Variants in REC114 observed in about 807,000 individuals in gnomAD.
REC114 encodes the protein REC114 meiotic recombination protein.
In REC114, 27 loss-of-function variants were observed where a neutral mutation model predicts 31.3. The observed-to-expected ratio is 0.86, with a 90% confidence interval of 0.64 to 1.19. The LOEUF is 1.19. Among genes scored for constraint, REC114 ranks in the 50% most tolerant of loss-of-function variants. REC114 has a pLI of 0.00. For missense variants in REC114, 344 were observed against 326.9 expected (o/e 1.05, Z -0.40); for synonymous variants, 134 against 127.7 (o/e 1.05, Z -0.33).
intron 1 of REC114, among the ~76,000 whole-genome samples, chr15:73,447,003 G>A (rs908773449): frequency 1.3e-5 from 2 of 152,186 alleles, no homozygotes; most frequent in African/African-American, 4.8e-5. Flanking sequence ...TGGCAGTAGA[G>A]ATAGGGATAT....
chr15:73,465,924 T>C (rs575607388), intron 1 of REC114, among the ~76,000 whole-genome samples: 1 of 152,304 alleles, frequency 6.6e-6, no homozygotes, highest in East Asian at 1.9e-4. Context: ...CGATCTCAGC[T>C]CATTGCAACC....
Position 73,483,274 on chromosome 15 carries a change from CTG to C in REC114, c.249+9354_249+9355del, listed in dbSNP as rs1382635460. On this transcript the variant is annotated intron_variant, in intron 2 of 5. Coordinates refer to ENST00000331090, the MANE Select transcript of REC114 (RefSeq NM_001042367.2). ...CTGGTCATGTTTTGAGCTGCCGCTGCTGCTGCTGCTGCTGCTGCAACTTTTAA... is the reference window on the plus strand; with the variant it reads ...CTGGTCATGTTTTGAGCTGCCGCTGCCTGCTGCTGCTGCTGCAACTTTTAA... 410 of 156,306 alleles carry C rather than the reference CTG, an allele frequency of 2.6e-3. 2 individuals carry two copies. Among genetic ancestry groups the C allele is most frequent in the African/African-American group, 9.5e-3 (395 of 41,588 alleles). The allele number at this position is 156,306 out of a possible 1,614,324, so 9.7% of individuals were successfully genotyped here.
Position 73,489,050 on chromosome 15 carries a change from C to T in REC114, c.249+15129C>T, listed in dbSNP as rs149003748. ...GGAGGCTGGAAAATCCAGATCAAGG[C>T]ACCAGCAGGATTGGTGTCTGGTGAG... On this transcript the variant is annotated intron_variant, in intron 2 of 5. Transcript: ENST00000331090. Among the ~76,000 whole-genome samples the T allele has an allele frequency of 7.2e-4, 109 of 152,232 alleles. 1 individual carries two copies. The East Asian group carries it at 0.02, about 28-fold the overall frequency.
intron 2 of REC114, among the ~76,000 whole-genome samples, chr15:73,490,371 T>C (rs1028243351): frequency 6.6e-6 from 1 of 152,232 alleles, no homozygotes; most frequent in African/African-American, 2.4e-5. Context: ...TGGTTTGTCA[T>C]TGACTATTCT....
chr15:73,545,343 CTCTT>C (rs759205457), intron 3 of REC114, among the ~76,000 whole-genome samples: 6 of 152,168 alleles, frequency 3.9e-5, no homozygotes, highest in Non-Finnish European at 5.9e-5. Context: ...CAGCAAGAAG[CTCTT>C]TCTGACTTTT....
intron 2 of REC114, among the ~76,000 whole-genome samples, chr15:73,513,404 C>G (rs1298490354): frequency 6.7e-6 from 1 of 148,892 alleles, no homozygotes; most frequent in African/African-American, 2.5e-5. Context: ...CCTCCCGTAG[C>G]TCAGAGTAAT....
intron 2 of REC114, among the ~76,000 whole-genome samples, chr15:73,539,282 A>ATTT (rs753968018): frequency 0.011 from 750 of 70,808 alleles, 129 homozygotes; most frequent in African/African-American, 0.043. Flanking sequence ...TTCAGAACTG[A>ATTT]TTTTTTTTTT....
chr15:73,496,351 CAAAAAAA>C (rs539098846), intron 2 of REC114, among the ~76,000 whole-genome samples: 18 of 20,512 alleles, frequency 8.8e-4, no homozygotes, highest in South Asian at 3.5e-3. Context: ...GACTCCTTCT[CAAAAAAA>C]AAAAAAAAAA....
At chr15:73,456,064 A>G (rs545069194) in intron 1 of REC114, among the ~76,000 whole-genome samples, 2 of 152,206 alleles carry the variant, frequency 1.3e-5, no homozygotes, top group Non-Finnish European at 2.9e-5. Flanking sequence ...TGTTTTATTA[A>G]TAGGGTTAAT....
At chr15:73,490,818 CA>C (rs113077844) in intron 2 of REC114, among the ~76,000 whole-genome samples, 2 of 151,090 alleles carry the variant, frequency 1.3e-5, no homozygotes, top group South Asian at 2.1e-4. Flanking sequence ...TCGCCCCCAC[CA>C]AAAAAAAATT....
intron 2 of REC114, among the ~76,000 whole-genome samples, chr15:73,506,077 G>C (rs1465835541): frequency 2.0e-5 from 3 of 151,908 alleles, no homozygotes; most frequent in Non-Finnish European, 4.4e-5. Flanking sequence ...TTTTCATATT[G>C]ATTTAGCCAT....
At chr15:73,543,644 T>C (rs1894269652) in intron 3 of REC114, among the ~76,000 whole-genome samples, 1 of 152,168 alleles carries the variant, frequency 6.6e-6, no homozygotes, top group South Asian at 2.1e-4. Flanking sequence ...TGGTATTCTT[T>C]ATCCCAAATA....
At chr15:73,487,679 G>A (rs1003290806) in intron 2 of REC114, among the ~76,000 whole-genome samples, 5 of 152,204 alleles carry the variant, frequency 3.3e-5, no homozygotes, top group Non-Finnish European at 7.3e-5. Flanking sequence ...GTTGGAGTTG[G>A]GTGCCTGCAG....
At chr15:73,558,208 C>A (rs1288676422) in intron 5 of REC114, among the ~76,000 whole-genome samples, 1 of 152,152 alleles carries the variant, frequency 6.6e-6, no homozygotes, top group Admixed American at 6.5e-5. Flanking sequence ...TGCTGTATAT[C>A]CCAAGTAAGT....
chr15:73,514,196 G>C (rs543632879), intron 2 of REC114, among the ~76,000 whole-genome samples: 1 of 151,364 alleles, frequency 6.6e-6, no homozygotes, highest in East Asian at 1.9e-4. Flanking sequence ...GGGTGGGAGT[G>C]ACCCGATTTT....
At chr15:73,544,545 T>G (rs1894283048) in intron 3 of REC114, among the ~76,000 whole-genome samples, 1 of 152,196 alleles carries the variant, frequency 6.6e-6, no homozygotes, top group Admixed American at 6.5e-5. Flanking sequence ...CCAGCAATTC[T>G]GATCAAATAG....
intron 1 of REC114, among the ~76,000 whole-genome samples, chr15:73,450,864 A>G (rs1892836532): frequency 6.6e-6 from 1 of 152,256 alleles, no homozygotes; most frequent in Admixed American, 6.5e-5. Context: ...TGGAAACTGA[A>G]CAACCTGCTC....
intron 2 of REC114, among the ~76,000 whole-genome samples, chr15:73,539,282 ATTTTTTTTTTT>A (rs753968018): frequency 1.1e-4 from 8 of 70,822 alleles, no homozygotes; most frequent in East Asian, 4.8e-4. Flanking sequence ...TTCAGAACTG[ATTTTTTTTTTT>A]TTTTTTTTTT....
intron 2 of REC114, among the ~76,000 whole-genome samples, chr15:73,509,803 C>A (rs905293837): frequency 1.3e-5 from 2 of 151,886 alleles, no homozygotes; most frequent in Non-Finnish European, 2.9e-5. Context: ...TGATCTATAT[C>A]TCTGTTTTGG....
Sources: gnomAD v4.1 joint callset for allele counts (sites outside exome capture counted in the v4.1 genomes callset) on GRCh38, gnomAD v4.1.1 for gene constraint, MANE v1.5 for transcripts, NCBI Gene and HGNC (gene_info 2026-07-23, HGNC 2026-07-21) for gene names.